Variants in UGT8 observed in about 807,000 individuals in gnomAD.
UGT8 encodes UDP glycosyltransferase 8.
UGT8 carries 12 observed loss-of-function variants against 40.5 expected under a neutral mutation model. The ratio of observed to expected loss-of-function variants is 0.30; its 90% confidence interval spans 0.19 to 0.48. UGT8 has a LOEUF of 0.48. UGT8 is among the 20% of genes least tolerant of loss of function. UGT8 has a pLI of 0.99. For synonymous variants in UGT8, 224 were observed against 240.4 expected (o/e 0.93, Z 0.63); for missense variants, 513 against 648.7 (o/e 0.79, Z 2.27).
chr4:114,663,817 A>G (rs1734694776), intron 2 of UGT8, 178 bp from the exon 3 acceptor site: 1 of 985,320 alleles, frequency 1.0e-6, no homozygotes, highest in Non-Finnish European at 1.2e-6. Context: ...TTCAGTTAGC[A>G]TTATCAGATG....
At position 114,618,130 on chromosome 4, in the gene UGT8, CAT is replaced by C. The variant is rs199946564; in HGVS notation, c.-2-4748_-2-4747del. Reference sequence around the variant, plus strand: ...TTCTGATATTAAAATTATTTTCAAACATTATTTTTGAAGTTCTATAATTTTCC... The same window carrying C: ...TTCTGATATTAAAATTATTTTCAAACTATTTTTGAAGTTCTATAATTTTCC... On this transcript the variant is annotated intron_variant, in intron 1 of 5. Transcript: ENST00000310836. Among the ~76,000 whole-genome samples, 846 of 152,110 alleles carry C rather than the reference CAT, an allele frequency of 5.6e-3. 6 individuals carry two copies. The highest frequency in any genetic ancestry group is 0.017 in the Middle Eastern group (5 of 294).
intron 2 of UGT8, among the ~76,000 whole-genome samples, chr4:114,658,927 T>G (rs1426524637): frequency 6.6e-6 from 1 of 152,150 alleles, no homozygotes; most frequent in African/African-American, 2.4e-5. Context: ...CTGACTCTGG[T>G]ACATTGCTTA....
At position 114,676,594 on chromosome 4, in the gene UGT8, C is replaced by G. The variant is rs150423330; in HGVS notation, c.*306C>G. On this transcript the variant is annotated 3_prime_UTR_variant, in exon 6 of 6. Coordinates refer to ENST00000310836, the MANE Select transcript of UGT8 (RefSeq NM_001128174.3). The stretch of plus-strand genomic sequence containing the variant: ...GTTTTAAATCTTGATATGTGCGTGT[C>G]CCGGATCAGGAATGGTTTCATTTTT... The G allele has an allele frequency of 3.9e-6, 1 of 257,774 alleles. No individual in the cohort carries two copies. Among genetic ancestry groups the G allele is most frequent in the Admixed American group, 5.1e-5 (1 of 19,588 alleles). 16.0% of individuals were successfully genotyped at this position (257,774 alleles called of 1,614,324 possible). A position where few individuals can be genotyped will look rare whatever the true frequency, so the allele number is the denominator to read the frequency against.
intron 2 of UGT8, among the ~76,000 whole-genome samples, chr4:114,650,934 C>T (rs913654127): frequency 6.6e-6 from 1 of 151,682 alleles, no homozygotes; most frequent in Non-Finnish European, 1.5e-5. Context: ...TTCCGTTGCC[C>T]AAAACATCCT....
At chr4:114,615,723 A>T (rs535310758) in intron 1 of UGT8, among the ~76,000 whole-genome samples, 32 of 152,326 alleles carry the variant, frequency 2.1e-4, no homozygotes, top group African/African-American at 7.5e-4. Context: ...CTCCAAGGGC[A>T]TACATTAGAA....
intron 1 of UGT8, among the ~76,000 whole-genome samples, chr4:114,612,797 A>G (rs1046263537): frequency 3.3e-5 from 5 of 152,144 alleles, no homozygotes; most frequent in Admixed American, 1.3e-4. Context: ...CCCTACGTCT[A>G]CTGAACCACA....
intron 1 of UGT8, among the ~76,000 whole-genome samples, chr4:114,617,213 C>A (rs1194295084): frequency 6.6e-6 from 1 of 152,206 alleles, no homozygotes; most frequent in African/African-American, 2.4e-5. Flanking sequence ...GAGATTGTGC[C>A]ATTGCACTCT....
At chr4:114,636,985 A>G (rs1425302934) in intron 2 of UGT8, among the ~76,000 whole-genome samples, 2 of 152,220 alleles carry the variant, frequency 1.3e-5, no homozygotes, top group African/African-American at 2.4e-5. Flanking sequence ...AATTTAACAT[A>G]TTACCTTTCA....
chr4:114,642,100 C>A (rs532716143), intron 2 of UGT8, among the ~76,000 whole-genome samples: 1 of 152,122 alleles, frequency 6.6e-6, no homozygotes, highest in Non-Finnish European at 1.5e-5. Flanking sequence ...ACAGCCTCCT[C>A]TTGTTAAAAT....
intron 1 of UGT8, among the ~76,000 whole-genome samples, chr4:114,602,805 A>T (rs1264570969): frequency 6.6e-6 from 1 of 152,216 alleles, no homozygotes. Flanking sequence ...GACATAAAAG[A>T]TGAATCACTG....
At chr4:114,670,227 C>T (rs1436063025) in intron 5 of UGT8, among the ~76,000 whole-genome samples, 3 of 151,472 alleles carry the variant, frequency 2.0e-5, no homozygotes, top group Admixed American at 6.6e-5. Flanking sequence ...GTCAGGAGAT[C>T]GAGACCATCC....
intron 5 of UGT8, among the ~76,000 whole-genome samples, chr4:114,675,118 T>C (rs1479893328): frequency 6.6e-6 from 1 of 152,172 alleles, no homozygotes; most frequent in Non-Finnish European, 1.5e-5. Context: ...ATCTCTTTAA[T>C]AATATATCTT....
intron 1 of UGT8, among the ~76,000 whole-genome samples, chr4:114,622,129 A>G (rs1183968454): frequency 9.3e-6 from 1 of 107,730 alleles, no homozygotes; most frequent in East Asian, 3.1e-4. Context: ...AACAGTCCCC[A>G]GAGTGTGATG....
At chr4:114,602,332 G>A (rs9307405) in intron 1 of UGT8, among the ~76,000 whole-genome samples, 132,519 of 152,228 alleles carry the variant, frequency 0.87, 59,764 homozygotes, top group East Asian at 1. Flanking sequence ...TTTCTACCCC[G>A]GAAGTCCAGA....
At chr4:114,629,798 G>A (rs186736545) in intron 2 of UGT8, among the ~76,000 whole-genome samples, 3 of 152,116 alleles carry the variant, frequency 2.0e-5, no homozygotes, top group East Asian at 1.9e-4. Context: ...ATATATGAAC[G>A]GAATCAAACA....
intron 5 of UGT8, among the ~76,000 whole-genome samples, chr4:114,674,024 CA>C (rs1380687215): frequency 1.3e-5 from 2 of 151,796 alleles, no homozygotes; most frequent in African/African-American, 2.4e-5. Context: ...TTTTTTCTCT[CA>C]CTCCTAACAA....
chr4:114,607,463 G>A (rs559192556), intron 1 of UGT8, among the ~76,000 whole-genome samples: 6 of 152,044 alleles, frequency 3.9e-5, no homozygotes, highest in African/African-American at 1.4e-4. Context: ...CTGATCTTTG[G>A]TTGTGCCTCT....
At chr4:114,629,362 CTT>C (rs1397851151) in intron 2 of UGT8, among the ~76,000 whole-genome samples, 2 of 152,134 alleles carry the variant, frequency 1.3e-5, no homozygotes, top group Non-Finnish European at 2.9e-5. Context: ...GGATGGCTCT[CTT>C]AACTAGAATG....
intron 2 of UGT8, among the ~76,000 whole-genome samples, chr4:114,634,489 A>G (rs2126108324): frequency 6.6e-6 from 1 of 152,330 alleles, no homozygotes; most frequent in Middle Eastern, 3.4e-3. Flanking sequence ...TGACTAGGAA[A>G]GGATAAAGGA....
Sources: gnomAD v4.1 joint callset for allele counts (sites outside exome capture counted in the v4.1 genomes callset) on GRCh38, gnomAD v4.1.1 for gene constraint, MANE v1.5 for transcripts, NCBI Gene and HGNC (gene_info 2026-07-23, HGNC 2026-07-21) for gene names.